SHROOM2: variants seen among roughly 807,000 people sequenced by gnomAD.
The protein encoded by SHROOM2 is protein Shroom2.
In SHROOM2, 33 loss-of-function variants were observed where a neutral mutation model predicts 75.9. That is an observed-to-expected ratio of 0.43 (90% CI 0.33 to 0.58). The LOEUF (loss-of-function observed/expected upper bound fraction) is 0.58, where lower values mean the gene tolerates loss of function less well. SHROOM2 is among the 20% of genes least tolerant of loss of function. The pLI, the probability that SHROOM2 is intolerant of heterozygous loss-of-function variation, is 0.04. For missense variants in SHROOM2, 1,434 were observed against 1,461.2 expected (o/e 0.98, Z 0.30); for synonymous variants, 655 against 663.6 (o/e 0.99, Z 0.20).
At chrX:9,940,644 C>T (rs1317868265) in intron 8 of SHROOM2, among the ~76,000 whole-genome samples, 1 of 112,396 alleles carries the variant, frequency 8.9e-6, no homozygotes, top group Admixed American at 9.5e-5. Flanking sequence ...GCCACTGCTG[C>T]ATTACATTTT....
rs1245548515 is a variant in SHROOM2, at chrX:9,894,558, C to G, written c.650C>G (p.Ser217Cys). ...DSAYGSFSTS[S>C]STPDHTLSKA... Reference sequence around the variant, plus strand: ...GCCTACGGCTCCTTCTCCACCAGCTCTAGCACTCCTGACCACACCTTGTCC... The same window carrying G: ...GCCTACGGCTCCTTCTCCACCAGCTGTAGCACTCCTGACCACACCTTGTCC... Residue 217 changes from serine (S) to cysteine (C), a missense_variant, in exon 4 of 10, where the codon TCT becomes TGT. This residue lies in a region of SHROOM2 where 1,340 missense variants were observed against 1,338.3 expected (regional missense o/e 1.00). Transcript: ENST00000380913. 3 of 1,212,008 alleles carry G rather than the reference C, an allele frequency of 2.5e-6. No homozygotes were observed. The highest frequency in any genetic ancestry group is 4.6e-4 in the Middle Eastern group (2 of 4,356).
intron 1 of SHROOM2, among the ~76,000 whole-genome samples, chrX:9,866,108 T>TA (rs1339836268): frequency 5.9e-5 from 6 of 100,966 alleles, no homozygotes; most frequent in Non-Finnish European, 1.2e-4. Flanking sequence ...TTTTTTTTTT[T>TA]AAGTCTCAAC....
At chrX:9,924,966 G>A (rs1397226266) in intron 5 of SHROOM2, among the ~76,000 whole-genome samples, 2 of 111,455 alleles carry the variant, frequency 1.8e-5, no homozygotes, top group Non-Finnish European at 3.8e-5. Flanking sequence ...TGGTAAATTG[G>A]TATGTCTAAG....
rs769130701 is a variant in SHROOM2, at chrX:9,948,073, G to T, written c.*1136G>T. 8.9e-6 allele frequency: 1 copy of T among 112,233 alleles called. No individual in the cohort carries two copies. Among genetic ancestry groups the T allele is most frequent in the African/African-American group, 3.2e-5 (1 of 30,943 alleles). 9.2% of individuals were successfully genotyped at this position (112,233 alleles called of 1,213,427 possible). On this transcript the variant is annotated 3_prime_UTR_variant, in exon 10 of 10. Transcript: ENST00000380913. ...TCCCAATTGACAAGTCACAGACTGG[G>T]AGAAAATATTTGCAAATCGTGTATC...
chrX:9,902,209 G>A (rs975483424), intron 5 of SHROOM2, among the ~76,000 whole-genome samples: 1 of 109,419 alleles, frequency 9.1e-6, no homozygotes, highest in Non-Finnish European at 1.9e-5. Flanking sequence ...TTGGATGGAC[G>A]AATGGAAAAG....
rs1428810407 is a variant in SHROOM2 at position 9,932,658 on chromosome X, C to T, written c.3375C>T (p.Asp1125=). ...TGTTCAGCAGTGCCCAGCCCCAGGACACCCCGAAGGCCACTGTCTGTGAGC... is the reference window on the plus strand; with the variant it reads ...TGTTCAGCAGTGCCCAGCCCCAGGATACCCCGAAGGCCACTGTCTGTGAGC... ...PSVFSSAQPQ[D]TPKATVCERG... The change falls in exon 6 of 10, where the codon GAC becomes GAT. Residue 1125 remains aspartate (D), a synonymous_variant. Transcript: ENST00000380913. 1.2e-5 allele frequency: 15 copies of T among 1,211,025 alleles called. No individual in the cohort carries two copies. Among genetic ancestry groups the T allele is most frequent in the Non-Finnish European group, 2.2e-6 (2 of 895,008 alleles).
At chrX:9,867,150 T>C (rs1203983184) in intron 1 of SHROOM2, among the ~76,000 whole-genome samples, 1 of 112,010 alleles carries the variant, frequency 8.9e-6, no homozygotes, top group Admixed American at 9.5e-5. Flanking sequence ...TAACTGTTTT[T>C]TTCCTGCTGT....
chrX:9,796,626 T>A (rs758892720), intron 1 of SHROOM2, among the ~76,000 whole-genome samples: 4 of 110,120 alleles, frequency 3.6e-5, no homozygotes, highest in African/African-American at 1.3e-4. Context: ...AATGTGGTAT[T>A]CAGAGTAGGG....
chrX:9,851,031 CAG>C (rs1269629554), intron 1 of SHROOM2, among the ~76,000 whole-genome samples: 2 of 110,449 alleles, frequency 1.8e-5, no homozygotes, highest in African/African-American at 6.6e-5. Context: ...TTTTTAGAGA[CAG>C]AGTCTCACTC....
At chrX:9,814,321 A>G (rs144461063) in intron 1 of SHROOM2, among the ~76,000 whole-genome samples, 1,530 of 111,772 alleles carry the variant, frequency 0.014, 22 homozygotes, top group African/African-American at 0.048. Flanking sequence ...GTGGGCCCAA[A>G]TCAATAAATT....
intron 5 of SHROOM2, chrX:9,913,135 C>T (rs1569166879): frequency 8.9e-6 from 1 of 112,363 alleles, no homozygotes; most frequent in Non-Finnish European, 1.9e-5. Flanking sequence ...GCATGAAGAC[C>T]TGCCTGCCTC....
At chrX:9,882,158 C>T (rs1207843989) in intron 2 of SHROOM2, among the ~76,000 whole-genome samples, 2 of 97,853 alleles carry the variant, frequency 2.0e-5, no homozygotes, top group Non-Finnish European at 4.0e-5. Context: ...TAGAGAACAG[C>T]AGTCTGCAAT....
intron 1 of SHROOM2, among the ~76,000 whole-genome samples, chrX:9,792,032 AATAG>A (rs2083655550): frequency 4.6e-3 from 1 of 216 alleles, no homozygotes. Flanking sequence ...AATAGAATAG[AATAG>A]AATAGAATAG....
chrX:9,873,084 T>C (rs2084179916), intron 1 of SHROOM2, among the ~76,000 whole-genome samples: 1 of 112,010 alleles, frequency 8.9e-6, no homozygotes, highest in Non-Finnish European at 1.9e-5. Context: ...ACAGGCAAAT[T>C]CATGGACACA....
intron 1 of SHROOM2, among the ~76,000 whole-genome samples, chrX:9,796,269 A>G (rs931965480): frequency 1.8e-5 from 2 of 108,555 alleles, no homozygotes; most frequent in Non-Finnish European, 3.8e-5. Context: ...CAACAAATAG[A>G]AAAATTAGCC....
chrX:9,899,043 A>G (rs1034706549), intron 5 of SHROOM2, among the ~76,000 whole-genome samples: 1 of 110,136 alleles, frequency 9.1e-6, no homozygotes, highest in Non-Finnish European at 1.9e-5. Flanking sequence ...CAGGAGTTCA[A>G]GACCAGCCTG....
At chrX:9,815,161 T>C (rs2083811953) in intron 1 of SHROOM2, among the ~76,000 whole-genome samples, 1 of 111,516 alleles carries the variant, frequency 9.0e-6, no homozygotes, top group Admixed American at 9.6e-5. Flanking sequence ...ACTCCTTGCC[T>C]CTCATGAGCA....
intron 5 of SHROOM2, among the ~76,000 whole-genome samples, chrX:9,923,345 T>TA (rs1457515700): frequency 1.8e-5 from 2 of 111,429 alleles, no homozygotes; most frequent in Non-Finnish European, 3.8e-5. Flanking sequence ...CACTCAATCT[T>TA]ACCATTTTCA....
chrX:9,890,253 G>C (rs962425065), intron 2 of SHROOM2, among the ~76,000 whole-genome samples: 2 of 112,293 alleles, frequency 1.8e-5, no homozygotes, highest in Non-Finnish European at 3.8e-5. Context: ...TGTAATCCCA[G>C]CTACTTGGGA....
Sources: gnomAD v4.1 joint callset for allele counts (sites outside exome capture counted in the v4.1 genomes callset) on GRCh38, gnomAD v4.1.1 for gene constraint, gnomAD v4.1.1 regional missense constraint, MANE v1.5 for transcripts, NCBI Gene and HGNC (gene_info 2026-07-23, HGNC 2026-07-21) for gene names.